Variants in FGGY observed in about 807,000 individuals in gnomAD.
The protein encoded by FGGY is FGGY carbohydrate kinase domain-containing protein.
A neutral mutation model predicts 71.3 loss-of-function variants in FGGY; 72 were observed. The observed-to-expected ratio is 1.01, with a 90% CI of 0.84 to 1.23. The LOEUF is 1.23. Among genes scored for constraint, FGGY ranks in the 50% most tolerant of loss-of-function variants. The probability of loss-of-function intolerance (pLI) is 0.00; values close to 1 mark genes in which losing one functional copy is unlikely to be tolerated. For missense variants in FGGY, 668 were observed against 682.3 expected (o/e 0.98, Z 0.23); for synonymous variants, 251 against 250.3 (o/e 1.00, Z -0.02).
intron 14 of FGGY, among the ~76,000 whole-genome samples, chr1:59,740,109 TA>T (rs2098135708): frequency 6.6e-6 from 1 of 152,222 alleles, no homozygotes; most frequent in African/African-American, 2.4e-5. Flanking sequence ...TAAGAGGTTG[TA>T]ATGGCTCCTT....
At chr1:59,361,538 T>C (rs1463619272) in intron 4 of FGGY, among the ~76,000 whole-genome samples, 3 of 152,140 alleles carry the variant, frequency 2.0e-5, no homozygotes, top group Non-Finnish European at 4.4e-5. Context: ...AAATGCAGTA[T>C]AGTGAGAGCT....
intron 4 of FGGY, among the ~76,000 whole-genome samples, chr1:59,361,787 G>A (rs1032987229): frequency 6.6e-6 from 1 of 152,130 alleles, no homozygotes; most frequent in African/African-American, 2.4e-5. Context: ...GAGCACTCAC[G>A]TCCTCACTGG....
rs144799675 is a variant in FGGY at position 59,438,295 on chromosome 1, A to G, written c.555-18666A>G. Reference sequence around the variant, plus strand: ...AAGCCTTTGCCCTTTCCATTAGACTACATAGCATCTTAAAATATTCTGGCT... The same window carrying G: ...AAGCCTTTGCCCTTTCCATTAGACTGCATAGCATCTTAAAATATTCTGGCT... On this transcript the variant is annotated intron_variant, in intron 5 of 15. Transcript: ENST00000303721. 1.2e-3 allele frequency among the ~76,000 whole-genome samples: 177 copies of G among 152,340 alleles called. 1 individual carries two copies. The highest frequency in any genetic ancestry group is 4.0e-3 in the African/African-American group (168 of 41,578).
chr1:59,599,095 C>CGTTTGTTT (rs5774477), intron 8 of FGGY, among the ~76,000 whole-genome samples: 12,212 of 151,428 alleles, frequency 0.081, 695 homozygotes, highest in South Asian at 0.29. Flanking sequence ...TACACATGTT[C>CGTTTGTTT]GTTTGTTTGT....
chr1:59,464,915 A>C (rs918693825), intron 6 of FGGY, among the ~76,000 whole-genome samples: 3 of 152,182 alleles, frequency 2.0e-5, no homozygotes, highest in African/African-American at 7.2e-5. Flanking sequence ...AGGACCAGAC[A>C]GATTCACAGC....
rs772431518 is a variant in FGGY at position 59,346,235 on chromosome 1, C to T, written c.314-12C>T. On this transcript the variant is annotated splice_polypyrimidine_tract_variant and intron_variant, in intron 3 of 15. Transcript: ENST00000303721. ...TGTGTGTCCATCTGCATCTCCCTCT[C>T]GTTTCTGCTAGGGGATTCCCATCGA... 2.5e-5 allele frequency: 40 copies of T among 1,612,436 alleles called. No homozygotes were observed. The highest frequency in any genetic ancestry group is 9.4e-5 in the African/African-American group (7 of 74,848).
chr1:59,387,103 C>A (rs978067188), intron 5 of FGGY, among the ~76,000 whole-genome samples: 8 of 151,856 alleles, frequency 5.3e-5, no homozygotes, highest in African/African-American at 1.9e-4. Context: ...TATTGTTATT[C>A]ATCTTGTGGG....
At chr1:59,324,608 C>T (rs971329470) in intron 2 of FGGY, among the ~76,000 whole-genome samples, 2 of 152,072 alleles carry the variant, frequency 1.3e-5, no homozygotes, top group Non-Finnish European at 2.9e-5. Context: ...TTTGATTGTT[C>T]TCTCTGTTTT....
At chr1:59,530,520 T>C (rs1206924714) in intron 7 of FGGY, among the ~76,000 whole-genome samples, 8 of 152,184 alleles carry the variant, frequency 5.3e-5, no homozygotes, top group Non-Finnish European at 1.0e-4. Context: ...TAAAAGCATG[T>C]CTGGGCTATT....
intron 14 of FGGY, among the ~76,000 whole-genome samples, chr1:59,736,900 C>A (rs1421725337): frequency 6.6e-6 from 1 of 152,236 alleles, no homozygotes; most frequent in East Asian, 1.9e-4. Context: ...TTCATGGCAG[C>A]TCCTCCCATC....
At chr1:59,372,648 C>G (rs1277066949) in intron 4 of FGGY, among the ~76,000 whole-genome samples, 1 of 152,050 alleles carries the variant, frequency 6.6e-6, no homozygotes, top group African/African-American at 2.4e-5. Context: ...AACATTGATG[C>G]AAAAATCCTC....
At chr1:59,325,228 G>A (rs376600524) in intron 2 of FGGY, among the ~76,000 whole-genome samples, 7 of 152,204 alleles carry the variant, frequency 4.6e-5, no homozygotes, top group African/African-American at 1.7e-4. Context: ...GTGGTGGCGG[G>A]CGCCTGTAGT....
At chr1:59,395,472 A>G (rs1318117416) in intron 5 of FGGY, among the ~76,000 whole-genome samples, 1 of 152,156 alleles carries the variant, frequency 6.6e-6, no homozygotes, top group Non-Finnish European at 1.5e-5. Flanking sequence ...GCTTGGAAAC[A>G]CCTGTTTAAG....
chr1:59,297,693 G>T (rs950560794), intron 1 of FGGY, among the ~76,000 whole-genome samples: 1 of 152,024 alleles, frequency 6.6e-6, no homozygotes, highest in African/African-American at 2.4e-5. Context: ...CGTGGTGGCG[G>T]GCGCCTGCAG....
chr1:59,402,944 T>A (rs1018633283), intron 5 of FGGY, among the ~76,000 whole-genome samples: 53 of 152,130 alleles, frequency 3.5e-4, no homozygotes, highest in African/African-American at 1.3e-3. Flanking sequence ...AGCCTGGGTA[T>A]GGGGGTCCCG....
chr1:59,602,765 C>T (rs2096589949), intron 8 of FGGY, among the ~76,000 whole-genome samples: 2 of 152,166 alleles, frequency 1.3e-5, no homozygotes, highest in Non-Finnish European at 2.9e-5. Context: ...ACTCTTTTCC[C>T]AGGCAGTGAG....
intron 6 of FGGY, among the ~76,000 whole-genome samples, chr1:59,458,687 A>G (rs2091932703): frequency 6.6e-6 from 1 of 152,172 alleles, no homozygotes; most frequent in African/African-American, 2.4e-5. Flanking sequence ...AAGTTAATGG[A>G]TTTTTAATGG....
Position 59,457,012 on chromosome 1 carries a change from G to A in FGGY, c.606G>A (p.Trp202Ter). ...GGACATATTCAGCAGAGAAAGGCTGGGACGACAGTTTCTGGAAAATGATTG... is the reference window on the plus strand; with the variant it reads ...GGACATATTCAGCAGAGAAAGGCTGAGACGACAGTTTCTGGAAAATGATTG... ...CKWTYSAEKG[W>*]DDSFWKMIGL... The change falls in exon 6 of 16, where the codon TGG (tryptophan) becomes TGA (stop). Residue 202 changes from tryptophan to a stop codon, truncating the protein, a stop_gained. Coordinates refer to ENST00000303721, the MANE Select transcript of FGGY (RefSeq NM_018291.5). LOFTEE classifies it high-confidence loss of function. 6.2e-7 allele frequency: 1 copy of A among 1,614,070 alleles called. No individual in the cohort carries two copies. The highest frequency in any genetic ancestry group is 8.5e-7 in the Non-Finnish European group (1 of 1,179,984).
intron 8 of FGGY, among the ~76,000 whole-genome samples, chr1:59,584,979 A>T (rs138860137): frequency 0.12 from 18,557 of 151,080 alleles, 1,695 homozygotes; most frequent in South Asian, 0.3. Flanking sequence ...GAAGGACCTC[A>T]TCAAGGAGAA....
Sources: gnomAD v4.1 joint callset for allele counts (sites outside exome capture counted in the v4.1 genomes callset) on GRCh38, gnomAD v4.1.1 for gene constraint, MANE v1.5 for transcripts, NCBI Gene and HGNC (gene_info 2026-07-23, HGNC 2026-07-21) for gene names.